ABCB8: variants seen among roughly 807,000 people sequenced by gnomAD.
ABCB8 encodes ATP binding cassette subfamily B member 8, also known as mitochondrial potassium channel ATP-binding subunit.
ABCB8 carries 52 observed loss-of-function variants against 73.0 expected under a neutral mutation model. The observed-to-expected ratio is 0.71, with a 90% CI of 0.57 to 0.90. ABCB8 has a LOEUF of 0.90. Among genes scored for constraint, ABCB8 ranks in the 40% least tolerant of loss-of-function variants. The pLI, the probability that ABCB8 is intolerant of heterozygous loss-of-function variation, is 0.00. For missense variants in ABCB8, 909 were observed against 974.6 expected, an observed-to-expected ratio of 0.93 and a Z score of 0.90; for synonymous variants, 428 against 423.5, an observed-to-expected ratio of 1.01 and a Z score of -0.13.
At position 151,045,354 on chromosome 7, in the gene ABCB8, G is replaced by A. The variant is rs1796587154; in HGVS notation, c.*5G>A. 2 of 1,536,788 alleles carry A rather than the reference G, an allele frequency of 1.3e-6. No individual in the cohort carries two copies. Among genetic ancestry groups the A allele is most frequent in the African/African-American group, 2.8e-5 (2 of 71,446 alleles). On this transcript the variant is annotated 3_prime_UTR_variant, in exon 16 of 16. Coordinates refer to ENST00000358849, the MANE Select transcript of ABCB8 (RefSeq NM_007188.5). ...AGCCACCAGCACAAGTCCTGAGAAG[G>A]GCCCCCTGAGGTGTGGTCGCTGCCA...
At chr7:151,028,682 T>C (rs1796043189) in intron 1 of ABCB8, 72 bp downstream of exon 1, 1 of 1,574,850 alleles carries the variant, frequency 6.3e-7, no homozygotes, top group African/African-American at 1.3e-5. Flanking sequence ...CGCCGGGAGA[T>C]GGAGTCCACG....
At position 151,045,485 on chromosome 7, in the gene ABCB8, T is replaced by TA; in HGVS notation, c.*139dup. 8.6e-7 allele frequency: 1 copy of TA among 1,158,730 alleles called. No homozygotes were observed. The highest frequency in any genetic ancestry group is 1.1e-6 in the Non-Finnish European group (1 of 895,084). The allele number at this position is 1,158,730 out of a possible 1,614,324, so 71.8% of individuals were successfully genotyped here. ...TCGCTGCGGCTGCTCCTGCTCACAA[T>TA]AAAGCCGGGGCCGAGCAGCTGGCAG... is the stretch of plus-strand genomic sequence containing the variant. On this transcript the variant is annotated 3_prime_UTR_variant, in exon 16 of 16. Transcript: ENST00000358849.
chr7:151,036,023 C>T (rs369491387), intron 7 of ABCB8, 50 bp from the exon 8 acceptor site: 1 of 1,612,898 alleles, frequency 6.2e-7, no homozygotes, highest in Non-Finnish European at 8.5e-7. Flanking sequence ...CCCTGCCAAC[C>T]CTTCGTGCCA....
At chr7:151,033,998 C>T (rs1238707518) in intron 2 of ABCB8, 81 bp downstream of exon 2, 3 of 1,460,800 alleles carry the variant, frequency 2.1e-6, no homozygotes, top group Non-Finnish European at 2.7e-6. Flanking sequence ...GCCTCGCTGC[C>T]TCTCAGGGGA....
intron 1 of ABCB8, 173 bp downstream of exon 1, chr7:151,028,783 C>T (rs1796047343): frequency 2.6e-6 from 4 of 1,540,402 alleles, no homozygotes; most frequent in Non-Finnish European, 2.6e-6. Flanking sequence ...TTTATAGTGA[C>T]ACTCCAGTCG....
Position 151,046,998 on chromosome 7 carries a change from A to G in ABCB8, c.*1649A>G, listed in dbSNP as rs980928633. On this transcript the variant is annotated 3_prime_UTR_variant, in exon 16 of 16. Transcript: ENST00000358849. ...CAGAGCCTGGGGCTGGTTCACAGCT[A>G]AACCCCTCCTTAGGGCAGCCCAGAG... 5.3e-5 allele frequency: 8 copies of G among 152,270 alleles called. No individual in the cohort carries two copies. Among genetic ancestry groups the G allele is most frequent in the African/African-American group, 1.9e-4 (8 of 41,450 alleles). The allele number at this position is 152,270 out of a possible 1,614,324, so 9.4% of individuals were successfully genotyped here. A position where few individuals can be genotyped will look rare whatever the true frequency, so the allele number is the denominator to read the frequency against.
At chr7:151,038,096 A>G (rs1163699984) in intron 9 of ABCB8, 1 of 152,428 alleles carries the variant, frequency 6.6e-6, no homozygotes, top group Non-Finnish European at 1.5e-5. Context: ...AGATGCTCTC[A>G]CTGTGATAGA....
At chr7:151,044,957 T>C (rs1203797992) in intron 15 of ABCB8, among the ~76,000 whole-genome samples, 1 of 152,146 alleles carries the variant, frequency 6.6e-6, no homozygotes, top group African/African-American at 2.4e-5. Context: ...AGTTGGAGCC[T>C]TGGGCTCTGT....
At chr7:151,036,202 C>T in intron 8 of ABCB8, 32 bp downstream of exon 8, 2 of 1,571,380 alleles carry the variant, frequency 1.3e-6, no homozygotes, top group Admixed American at 1.8e-5. Flanking sequence ...TGGAGGGGCG[C>T]TTGTGGGCTG....
rs1001094717 is a variant in ABCB8, at chr7:151,037,334, T to C, written c.1217+685T>C. On this transcript the variant is annotated intron_variant, in intron 9 of 15. Transcript: ENST00000358849. The stretch of plus-strand genomic sequence containing the variant: ...ACCATCCTTGACAGGCTGTGTGAGC[T>C]GCCCTTCCCCATGCCTGCCACTTCC... 16 of 702,646 alleles carry C rather than the reference T, an allele frequency of 2.3e-5. No homozygotes were observed. The Admixed American group carries it at 3.2e-4, about 14-fold the overall frequency. The allele number at this position is 702,646 out of a possible 1,614,324, so 43.5% of individuals were successfully genotyped here.
At position 151,045,773 on chromosome 7, in the gene ABCB8, G is replaced by A. The variant is rs1022817251; in HGVS notation, c.*424G>A. 1 of 159,220 alleles carries A rather than the reference G, an allele frequency of 6.3e-6. No homozygotes were observed. The highest frequency in any genetic ancestry group is 1.4e-5 in the Non-Finnish European group (1 of 72,996). The allele number at this position is 159,220 out of a possible 1,614,324, so 9.9% of individuals were successfully genotyped here. A position where few individuals can be genotyped will look rare whatever the true frequency, so the allele number is the denominator to read the frequency against. ...AATCAGGGTCTGGAAGTGGGCCTGG[G>A]AATTCAAACCTAGGCTCTTCCCACA... On this transcript the variant is annotated 3_prime_UTR_variant, in exon 16 of 16. Coordinates refer to ENST00000358849, the MANE Select transcript of ABCB8 (RefSeq NM_007188.5).
chr7:151,040,818 C>T lies in ABCB8; in HGVS notation c.1389-10C>T. 6.3e-7 allele frequency: 1 copy of T among 1,587,184 alleles called. No individual in the cohort carries two copies. The highest frequency in any genetic ancestry group is 8.6e-7 in the Non-Finnish European group (1 of 1,167,016). ...CCTGGTCTGACTGGGGGTCTCTCGGCTCCTCCCAGCTACCCCTGCCGCCCC... is the reference window on the plus strand; with the variant it reads ...CCTGGTCTGACTGGGGGTCTCTCGGTTCCTCCCAGCTACCCCTGCCGCCCC... On this transcript the variant is annotated splice_polypyrimidine_tract_variant and intron_variant, in intron 11 of 15. Transcript: ENST00000358849.
Position 151,044,136 on chromosome 7 carries a change from G to A in ABCB8, c.1931G>A (p.Arg644His), listed in dbSNP as rs575426628. The A allele has an allele frequency of 6.2e-6, 10 of 1,613,970 alleles. No homozygotes were observed. The Admixed American group carries it at 1.0e-4, about 16-fold the overall frequency. Residue 644 changes from arginine (R) to histidine (H), a missense_variant, in exon 15 of 16, where the codon CGC (arginine) becomes CAC (histidine). Physicochemically the swap from Arg to His is conservative, Grantham distance 29 (BLOSUM62 0). Transcript: ENST00000358849. ...QEALDRASAG[R>H]TVLVIAHRLS... ...GCCCTGGACCGGGCCAGTGCAGGCC[G>A]CACGGTGCTGGTAATTGCCCACCGG...
intron 9 of ABCB8, 88 bp downstream of exon 9, chr7:151,036,737 C>A: frequency 8.6e-7 from 1 of 1,159,840 alleles, no homozygotes; most frequent in South Asian, 1.3e-5. Context: ...CCAGCCTTCT[C>A]TGGGGGCCGA....
rs549655040 is a variant in ABCB8, at chr7:151,040,524, C to T, written c.1278C>T (p.Ala426=). The change falls in exon 11 of 16, where the codon GCC becomes GCT. Residue 426 remains alanine (A), a synonymous_variant. Coordinates refer to ENST00000358849, the MANE Select transcript of ABCB8 (RefSeq NM_007188.5). ...TGGTCCGGGGGCTGAGTGCAGGTGC[C>T]CGGGTCTTTGAGTACATGGCCCTGA... ...GQVVRGLSAG[A]RVFEYMALNP... 1 of 1,612,946 alleles carries T rather than the reference C, an allele frequency of 6.2e-7. No homozygotes were observed. The highest frequency in any genetic ancestry group is 1.3e-5 in the African/African-American group (1 of 74,998).
chr7:151,043,888 C>T (rs1317640003), intron 14 of ABCB8, 83 bp from the exon 15 acceptor site: 22 of 1,563,034 alleles, frequency 1.4e-5, no homozygotes, highest in Admixed American at 3.4e-5. Flanking sequence ...TCTTGATGGG[C>T]GTTCAGGAAG....
chr7:151,037,577 T>C, intron 9 of ABCB8: 2 of 499,764 alleles, frequency 4.0e-6, no homozygotes, highest in Admixed American at 3.4e-5. Context: ...GTAAATATGC[T>C]GTAACAGATC....
In ABCB8 at chr7:151,036,133, C is replaced by T. The variant is rs148169229; in HGVS notation, c.1074C>T (p.Ile358=). The change falls in exon 8 of 16, where the codon ATC becomes ATT. Residue 358 remains isoleucine, a synonymous_variant. Coordinates refer to ENST00000358849, the MANE Select transcript of ABCB8 (RefSeq NM_007188.5). ...RCRAEELGRG[I]ALFQGLSNIA... ...GGGCAGAGGAGCTGGGCCGCGGCATCGCCTTGTTCCAAGGGCTTTCCAACA... is the reference window on the plus strand; with the variant it reads ...GGGCAGAGGAGCTGGGCCGCGGCATTGCCTTGTTCCAAGGGCTTTCCAACA... 9.9e-6 allele frequency: 16 copies of T among 1,613,178 alleles called. No homozygotes were observed. The highest frequency in any genetic ancestry group is 9.3e-5 in the African/African-American group (7 of 74,950).
At position 151,038,553 on chromosome 7, in the gene ABCB8, C is replaced by T. The variant is rs970462361; in HGVS notation, c.1218-1715C>T. On this transcript the variant is annotated intron_variant, in intron 9 of 15. Transcript: ENST00000358849. The stretch of plus-strand genomic sequence containing the variant: ...AGTGGCTCCCTTAATAAAATCACCC[C>T]TTAGCCCTCTGTGGTGGGCAGTGGT... The T allele has an allele frequency of 2.0e-5, 3 of 152,282 alleles. No homozygotes were observed. The East Asian group carries it at 5.8e-4, about 29-fold the overall frequency. 9.4% of individuals were successfully genotyped at this position (152,282 alleles called of 1,614,324 possible).
Sources: gnomAD v4.1 joint callset for allele counts (sites outside exome capture counted in the v4.1 genomes callset) on GRCh38, gnomAD v4.1.1 for gene constraint, MANE v1.5 for transcripts, NCBI Gene and HGNC (gene_info 2026-07-23, HGNC 2026-07-21) for gene names.